Variants in ANO3 observed in about 807,000 individuals in gnomAD.
The protein encoded by ANO3 is anoctamin-3.
In ANO3, 99 loss-of-function variants were observed where a neutral mutation model predicts 144.8. The ratio of observed to expected loss-of-function variants is 0.68; its 90% CI spans 0.58 to 0.81. ANO3 has a LOEUF of 0.81. Among genes scored for constraint, ANO3 ranks in the 30% least tolerant of loss-of-function variants. The probability of loss-of-function intolerance (pLI) is 0.00; values close to 1 mark genes in which losing one functional copy is unlikely to be tolerated. For missense variants in ANO3, 905 were observed against 1,202.2 expected (o/e 0.75, Z 3.66); for synonymous variants, 414 against 392.6 (o/e 1.05, Z -0.64).
chr11:26,621,241 T>C (rs780115716), intron 17 of ANO3, among the ~76,000 whole-genome samples: 1 of 152,116 alleles, frequency 6.6e-6, no homozygotes, highest in African/African-American at 2.4e-5. Flanking sequence ...TGAGAATGAA[T>C]TCCAAAATGC....
intron 4 of ANO3, among the ~76,000 whole-genome samples, chr11:26,501,864 G>A (rs896764807): frequency 4.6e-5 from 7 of 152,130 alleles, no homozygotes; most frequent in African/African-American, 1.7e-4. Flanking sequence ...TAGGGTGCTG[G>A]AACAGTTGGA....
In ANO3 at chr11:26,549,706, T is replaced by C. The variant is rs138006442; in HGVS notation, c.1289+2156T>C. Among the ~76,000 whole-genome samples the C allele has an allele frequency of 1.5e-3, 228 of 152,026 alleles. 2 individuals carry two copies. The highest frequency in any genetic ancestry group is 5.2e-3 in the African/African-American group (217 of 41,492). ...TACACTGGTCTTACATAATCAAATA[T>C]GGCCATATCTGTGCCTGGGAAAAGA... On this transcript the variant is annotated intron_variant, in intron 12 of 26. Coordinates refer to ENST00000256737, the MANE Select transcript of ANO3 (RefSeq NM_031418.4).
intron 1 of ANO3, among the ~76,000 whole-genome samples, chr11:26,358,100 C>T (rs112704016): frequency 2.0e-5 from 3 of 150,702 alleles, no homozygotes; most frequent in African/African-American, 7.3e-5. Flanking sequence ...AGCAATACTT[C>T]AAATTTGTTA....
chr11:26,578,495 T>C (rs1436441837), intron 14 of ANO3, among the ~76,000 whole-genome samples: 2 of 152,102 alleles, frequency 1.3e-5, no homozygotes, highest in Non-Finnish European at 2.9e-5. Context: ...GCCTTGACTT[T>C]GTGTAAAAAG....
At chr11:26,431,533 A>T (rs1858088511) in intron 1 of ANO3, among the ~76,000 whole-genome samples, 1 of 152,102 alleles carries the variant, frequency 6.6e-6, no homozygotes, top group Admixed American at 6.6e-5. Flanking sequence ...CCCAATAGTT[A>T]TTTTTGTTTG....
chr11:26,510,368 T>G (rs1385073194), intron 5 of ANO3, among the ~76,000 whole-genome samples: 1 of 152,058 alleles, frequency 6.6e-6, no homozygotes, highest in African/African-American at 2.4e-5. Flanking sequence ...ACCCAGAATA[T>G]TCCGCCTCCC....
At chr11:26,520,002 C>T (rs915166114) in intron 6 of ANO3, among the ~76,000 whole-genome samples, 1 of 152,098 alleles carries the variant, frequency 6.6e-6, no homozygotes, top group Non-Finnish European at 1.5e-5. Context: ...AGTCAGAGCA[C>T]GTTTGGCCTC....
At chr11:26,386,614 A>C (rs1329971065) in intron 1 of ANO3, among the ~76,000 whole-genome samples, 3 of 152,236 alleles carry the variant, frequency 2.0e-5, no homozygotes. Flanking sequence ...ACTGAGAAGA[A>C]TACAACATTA....
At chr11:26,537,526 G>C (rs1325768633) in intron 10 of ANO3, 65 bp downstream of exon 10, 1 of 1,350,622 alleles carries the variant, frequency 7.4e-7, no homozygotes, top group African/African-American at 1.4e-5. Context: ...TGGTCCTGTT[G>C]TTTGCATTTG....
At chr11:26,650,232 C>A (rs1853485289) in intron 24 of ANO3, among the ~76,000 whole-genome samples, 1 of 107,498 alleles carries the variant, frequency 9.3e-6, no homozygotes, top group Non-Finnish European at 2.2e-5. Flanking sequence ...AGCAAGGTGG[C>A]GGAAGAAGAT....
chr11:26,371,488 A>T (rs1856254825), intron 1 of ANO3, among the ~76,000 whole-genome samples: 1 of 152,206 alleles, frequency 6.6e-6, no homozygotes, highest in African/African-American at 2.4e-5. Context: ...GAGCTGTAAG[A>T]AGAGGACCAT....
At chr11:26,647,887 A>G in intron 24 of ANO3, 31 bp downstream of exon 24, 1 of 1,581,192 alleles carries the variant, frequency 6.3e-7, no homozygotes, top group Non-Finnish European at 8.6e-7. Flanking sequence ...TTTTCCTGAT[A>G]TGTTTTACAT....
intron 1 of ANO3, among the ~76,000 whole-genome samples, chr11:26,287,141 G>C (rs1255643220): frequency 6.6e-6 from 1 of 152,184 alleles, no homozygotes; most frequent in African/African-American, 2.4e-5. Context: ...AATTGATAGA[G>C]TGACTAATAT....
chr11:26,329,327 C>G (rs74525229), upstream of ANO3, among the ~76,000 whole-genome samples: 1,962 of 110,398 alleles, frequency 0.018, 19 homozygotes, highest in Non-Finnish European at 0.02. Flanking sequence ...CACACACACA[C>G]AGAGAGAGAG....
chr11:26,652,735 T>G (rs1028716832), intron 24 of ANO3, among the ~76,000 whole-genome samples: 1 of 151,982 alleles, frequency 6.6e-6, no homozygotes, highest in African/African-American at 2.4e-5. Context: ...ATCCAAAGAG[T>G]TTTCTGTTCC....
chr11:26,306,102 G>A (rs1590247885), upstream of ANO3, among the ~76,000 whole-genome samples: 2 of 150,784 alleles, frequency 1.3e-5, no homozygotes, highest in African/African-American at 2.4e-5. Context: ...GGGACTACAG[G>A]CGCCCGCCAC....
intron 1 of ANO3, among the ~76,000 whole-genome samples, chr11:26,276,383 A>G (rs1199065773): frequency 1.3e-5 from 2 of 152,050 alleles, no homozygotes; most frequent in Non-Finnish European, 2.9e-5. Context: ...ATCAGACCCC[A>G]TTCGAGAAAC....
intron 14 of ANO3, among the ~76,000 whole-genome samples, chr11:26,583,677 C>T (rs899648842): frequency 5.3e-5 from 8 of 152,188 alleles, no homozygotes; most frequent in Admixed American, 2.0e-4. Flanking sequence ...TTTTGCCAAA[C>T]GCAGAACCTG....
intron 7 of ANO3, among the ~76,000 whole-genome samples, chr11:26,527,875 A>T (rs1475320980): frequency 6.0e-5 from 6 of 99,188 alleles, no homozygotes; most frequent in Admixed American, 1.1e-4. Flanking sequence ...AAAACAAAAA[A>T]GACTCCCTTA....
Sources: gnomAD v4.1 joint callset for allele counts (sites outside exome capture counted in the v4.1 genomes callset) on GRCh38, gnomAD v4.1.1 for gene constraint, MANE v1.5 for transcripts, NCBI Gene and HGNC (gene_info 2026-07-23, HGNC 2026-07-21) for gene names.